The following UGT1A8 variants were observed in gnomAD, a reference collection of about 807,000 sequenced individuals.
The protein encoded by UGT1A8 is UDP glucuronosyltransferase family 1 member A8.
A neutral mutation model predicts 45.3 loss-of-function variants in UGT1A8; 39 were observed. The ratio of observed to expected loss-of-function variants is 0.86; its 90% CI spans 0.67 to 1.12. The LOEUF (loss-of-function observed/expected upper bound fraction) is 1.12, where lower values mean the gene tolerates loss of function less well. Ranked by LOEUF, UGT1A8 falls within the 50% of genes most tolerant of loss-of-function variation. The pLI is 0.00. For synonymous variants in UGT1A8, 275 were observed against 249.2 expected, an observed-to-expected ratio of 1.10 and a Z score of -0.97; for missense variants, 719 against 664.9, an observed-to-expected ratio of 1.08 and a Z score of -0.90.
intron 1 of UGT1A8, among the ~76,000 whole-genome samples, chr2:233,626,996 G>A (rs554427795): frequency 6.6e-6 from 1 of 152,134 alleles, no homozygotes; most frequent in South Asian, 2.1e-4. Context: ...ACTGTCAGTG[G>A]GTGTTGATCT....
intron 1 of UGT1A8, among the ~76,000 whole-genome samples, chr2:233,737,541 G>A (rs576280713): frequency 6.6e-6 from 1 of 152,104 alleles, no homozygotes; most frequent in African/African-American, 2.4e-5. Flanking sequence ...GCCCTGCTTC[G>A]GCTTGCCCTC....
intron 1 of UGT1A8, chr2:233,743,217 C>G: frequency 2.4e-6 from 1 of 409,784 alleles, no homozygotes; most frequent in Non-Finnish European, 4.8e-6. Context: ...AGTAACTGCT[C>G]TTTGCTATTT....
At chr2:233,772,139 G>C in intron 4 of UGT1A8, 123 bp from the exon 5 acceptor site, 1 of 1,548,574 alleles carries the variant, frequency 6.5e-7, no homozygotes, top group Non-Finnish European at 8.7e-7. Context: ...AACAATAATA[G>C]AAACAGGTTT....
In UGT1A8 at chr2:233,687,337, T is replaced by C. The variant is rs573612670; in HGVS notation, c.855+68775T>C. ...CTTGATGCAAGTTTCCCTTGAATGA[T>C]TTAAACTTCAGATGGGTGGACTGTC... On this transcript the variant is annotated intron_variant, in intron 1 of 4. Transcript: ENST00000373450. 2.0e-5 allele frequency among the ~76,000 whole-genome samples: 3 copies of C among 152,222 alleles called. No homozygotes were observed. In the East Asian group the frequency reaches 5.8e-4, roughly 29 times the overall value.
intron 1 of UGT1A8, among the ~76,000 whole-genome samples, chr2:233,738,304 T>C (rs762666670): frequency 6.6e-6 from 1 of 152,228 alleles, no homozygotes; most frequent in Non-Finnish European, 1.5e-5. Flanking sequence ...GGTATGTCTT[T>C]ATAGCAGTGT....
chr2:233,643,339 C>A (rs1237608201), intron 1 of UGT1A8, among the ~76,000 whole-genome samples: 1 of 152,152 alleles, frequency 6.6e-6, no homozygotes, highest in Non-Finnish European at 1.5e-5. Flanking sequence ...ACTGCCACCC[C>A]TGGCCATGGA....
At chr2:233,711,897 G>A (rs553450118) in intron 1 of UGT1A8, among the ~76,000 whole-genome samples, 2 of 152,310 alleles carry the variant, frequency 1.3e-5, no homozygotes, top group South Asian at 4.1e-4. Context: ...TCTCATGGGC[G>A]TGAGACCATT....
At chr2:233,706,071 G>A (rs901833161) in intron 1 of UGT1A8, among the ~76,000 whole-genome samples, 11 of 152,040 alleles carry the variant, frequency 7.2e-5, no homozygotes, top group Non-Finnish European at 1.6e-4. Flanking sequence ...TGCCAGCCTG[G>A]GTGACAGAGC....
Position 233,769,609 on chromosome 2 carries a change from C to T in UGT1A8, c.1295+1170C>T, listed in dbSNP as rs776582226. The T allele has an allele frequency of 3.7e-6, 6 of 1,612,752 alleles. No individual in the cohort carries two copies. Among genetic ancestry groups the T allele is most frequent in the Non-Finnish European group, 5.1e-6 (6 of 1,179,862 alleles). On this transcript the variant is annotated intron_variant, in intron 4 of 4. Transcript: ENST00000373450. The surrounding 1 kb of genome is among the most constrained non-coding windows in gnomAD (Gnocchi z 4.4). ...AGAGGAGACGGAACACGGGGACACACCAGCTTGAGCAAGGGACAACAGGGG... is the reference window on the plus strand; with the variant it reads ...AGAGGAGACGGAACACGGGGACACATCAGCTTGAGCAAGGGACAACAGGGG...
Position 233,713,371 on chromosome 2 carries a change from C to G in UGT1A8, c.856-53663C>G, listed in dbSNP as rs949322705. The G allele has an allele frequency of 5.3e-5, 85 of 1,613,982 alleles. No individual in the cohort carries two copies. The highest frequency in any genetic ancestry group is 6.7e-5 in the Non-Finnish European group (79 of 1,180,022). ...AATATGTCTTTGATCATACATAGGT[C>G]TTGTGTGGAGCTACTGCATAATGAG... is the stretch of plus-strand genomic sequence containing the variant. On this transcript the variant is annotated intron_variant, in intron 1 of 4. Coordinates refer to ENST00000373450, the MANE Select transcript of UGT1A8 (RefSeq NM_019076.5).
intron 1 of UGT1A8, chr2:233,752,529 C>A (rs570345449): frequency 1.3e-5 from 2 of 152,130 alleles, no homozygotes; most frequent in Non-Finnish European, 2.9e-5. Context: ...TCTAAAAATT[C>A]TTTAAATAAA....
intron 1 of UGT1A8, among the ~76,000 whole-genome samples, chr2:233,659,921 CA>C (rs1238127458): frequency 1.3e-5 from 2 of 152,176 alleles, no homozygotes; most frequent in Non-Finnish European, 2.9e-5. Flanking sequence ...GGTACTGATT[CA>C]AAAGCACTCA....
rs1367323954 is a variant in UGT1A8, at chr2:233,708,042, G to A, written c.856-58992G>A. ...TAGTTCTTTGGCAGTTATAGATATT[G>A]CAAATATCTTCCCCCACTCTGCATC... is the stretch of plus-strand genomic sequence containing the variant. On this transcript the variant is annotated intron_variant, in intron 1 of 4. Transcript: ENST00000373450. Among the ~76,000 whole-genome samples, 5 of 152,100 alleles carry A rather than the reference G, an allele frequency of 3.3e-5. No homozygotes were observed. The South Asian group carries it at 6.2e-4, about 19-fold the overall frequency.
At chr2:233,742,441 G>A (rs1332580930) in intron 1 of UGT1A8, among the ~76,000 whole-genome samples, 1 of 151,942 alleles carries the variant, frequency 6.6e-6, no homozygotes, top group African/African-American at 2.4e-5. Flanking sequence ...CCCTGGGTGG[G>A]CCAGGTGTTC....
At chr2:233,751,923 T>G (rs1390474537) in intron 1 of UGT1A8, among the ~76,000 whole-genome samples, 1 of 152,048 alleles carries the variant, frequency 6.6e-6, no homozygotes, top group Non-Finnish European at 1.5e-5. Context: ...ACAAGATTGG[T>G]GGTGATTGAA....
At chr2:233,689,119 C>G (rs1178609064) in intron 1 of UGT1A8, among the ~76,000 whole-genome samples, 1 of 152,204 alleles carries the variant, frequency 6.6e-6, no homozygotes, top group Admixed American at 6.5e-5. Flanking sequence ...GGAACCACAA[C>G]CCACATTGTT....
intron 1 of UGT1A8, among the ~76,000 whole-genome samples, chr2:233,735,255 T>C (rs1489550965): frequency 6.6e-6 from 1 of 152,240 alleles, no homozygotes; most frequent in Non-Finnish European, 1.5e-5. Flanking sequence ...ATTGCTCCCT[T>C]TACCATTATG....
chr2:233,659,783 T>C (rs1559328684), intron 1 of UGT1A8, among the ~76,000 whole-genome samples: 1 of 152,252 alleles, frequency 6.6e-6, no homozygotes, highest in East Asian at 1.9e-4. Context: ...AGTGCCCATA[T>C]CATAGAAGGG....
intron 1 of UGT1A8, among the ~76,000 whole-genome samples, chr2:233,685,506 A>T (rs772967673): frequency 6.6e-6 from 1 of 152,256 alleles, no homozygotes; most frequent in Non-Finnish European, 1.5e-5. Flanking sequence ...TTACAGCAAG[A>T]AAAGATCTAT....
Sources: allele counts gnomAD v4.1 joint callset (sites outside exome capture counted in the v4.1 genomes callset), GRCh38; gene constraint gnomAD v4.1.1; non-coding constraint Gnocchi (gnomAD v3.1); transcripts MANE v1.5; gene names NCBI Gene and HGNC (gene_info 2026-07-23, HGNC 2026-07-21).